Variants in ANKRD6 observed in about 807,000 individuals in gnomAD.
ANKRD6 encodes ankyrin repeat domain-containing protein 6.
Under a neutral mutation model 82.3 loss-of-function variants are expected in ANKRD6, and 56 were observed. The ratio of observed to expected loss-of-function variants is 0.68; its 90% CI spans 0.55 to 0.85. The LOEUF (loss-of-function observed/expected upper bound fraction) is 0.85, where lower values mean the gene tolerates loss of function less well. ANKRD6 is among the 40% of genes least tolerant of loss of function. The pLI is 0.00. For synonymous variants in ANKRD6, 347 were observed against 352.1 expected (o/e 0.99, Z 0.16); for missense variants, 852 against 907.6 (o/e 0.94, Z 0.79).
intron 1 of ANKRD6, among the ~76,000 whole-genome samples, chr6:89,485,087 G>C (rs1483981473): frequency 2.0e-5 from 3 of 152,156 alleles, no homozygotes; most frequent in African/African-American, 7.2e-5. Flanking sequence ...AAATGCCCCA[G>C]ACTGTCTCAC....
chr6:89,473,912 A>G (rs1775756822), intron 1 of ANKRD6, among the ~76,000 whole-genome samples: 2 of 152,114 alleles, frequency 1.3e-5, no homozygotes, highest in Admixed American at 6.5e-5. Flanking sequence ...CCCAGGAAGC[A>G]GAGGTGAGAA....
chr6:89,577,034 C>A (rs552404842), intron 2 of ANKRD6, among the ~76,000 whole-genome samples: 2 of 152,176 alleles, frequency 1.3e-5, no homozygotes, highest in East Asian at 3.9e-4. Context: ...GGACTACAGT[C>A]ATGAGCCACC....
At chr6:89,503,915 A>G in intron 1 of ANKRD6, among the ~76,000 whole-genome samples, 1 of 152,106 alleles carries the variant, frequency 6.6e-6, no homozygotes, top group East Asian at 1.9e-4. Context: ...CCAGAGCAGA[A>G]TGAGCCAAGG....
chr6:89,500,658 C>T (rs1733787123), intron 1 of ANKRD6, among the ~76,000 whole-genome samples: 2 of 152,084 alleles, frequency 1.3e-5, no homozygotes, highest in Admixed American at 6.6e-5. Context: ...CTCCCAGGTC[C>T]CTAATCTCCC....
At chr6:89,518,687 G>C (rs557011217) in intron 1 of ANKRD6, among the ~76,000 whole-genome samples, 2 of 152,196 alleles carry the variant, frequency 1.3e-5, no homozygotes, top group East Asian at 3.9e-4. Context: ...AGGCCAAATG[G>C]GACCAATGCT....
At chr6:89,466,407 A>C (rs1774850092) in intron 1 of ANKRD6, among the ~76,000 whole-genome samples, 1 of 152,202 alleles carries the variant, frequency 6.6e-6, no homozygotes, top group Non-Finnish European at 1.5e-5. Flanking sequence ...CATATTGCCA[A>C]ATTTCCTCCT....
At chr6:89,442,009 A>G (rs537188027) in intron 1 of ANKRD6, among the ~76,000 whole-genome samples, 2 of 146,572 alleles carry the variant, frequency 1.4e-5, no homozygotes, top group South Asian at 4.4e-4. Flanking sequence ...TTATTTTTTT[A>G]TTTTTTTGAG....
chr6:89,534,243 A>T (rs1201043767), intron 1 of ANKRD6, among the ~76,000 whole-genome samples: 1 of 152,216 alleles, frequency 6.6e-6, no homozygotes, highest in Non-Finnish European at 1.5e-5. Context: ...ACCCTAACAG[A>T]TTCTTGCTGA....
At chr6:89,523,969 C>G (rs1386889626) in intron 1 of ANKRD6, among the ~76,000 whole-genome samples, 1 of 152,040 alleles carries the variant, frequency 6.6e-6, no homozygotes, top group Non-Finnish European at 1.5e-5. Context: ...AAATTGAACT[C>G]ATATGCAATT....
intron 2 of ANKRD6, among the ~76,000 whole-genome samples, chr6:89,570,965 A>G (rs1442667878): frequency 1.3e-5 from 2 of 152,310 alleles, no homozygotes; most frequent in East Asian, 1.9e-4. Context: ...ACTGTTTTCC[A>G]TGGCTGTTGC....
chr6:89,444,752 GA>G (rs1771847152), intron 1 of ANKRD6, among the ~76,000 whole-genome samples: 1 of 152,190 alleles, frequency 6.6e-6, no homozygotes, highest in Admixed American at 6.5e-5. Context: ...CGGATCACCT[GA>G]GATCAGGAGT....
Position 89,499,658 on chromosome 6 carries a change from C to T in ANKRD6, c.-144+66283C>T, listed in dbSNP as rs544854121. Among the ~76,000 whole-genome samples the T allele has an allele frequency of 2.0e-5, 3 of 152,196 alleles. No individual in the cohort carries two copies. The East Asian group carries it at 5.8e-4, about 29-fold the overall frequency. Reference sequence around the variant, plus strand: ...GCCGTACCACAAATGTTCCTGTTCACAATACCAGTTCATAATGCATGGTAA... The same window carrying T: ...GCCGTACCACAAATGTTCCTGTTCATAATACCAGTTCATAATGCATGGTAA... On this transcript the variant is annotated intron_variant, in intron 1 of 15. Transcript: ENST00000339746.
intron 1 of ANKRD6, among the ~76,000 whole-genome samples, chr6:89,540,277 A>G (rs1271937402): frequency 6.6e-6 from 1 of 152,152 alleles, no homozygotes; most frequent in Non-Finnish European, 1.5e-5. Context: ...ACTTCTCTCC[A>G]CATCCTCGCC....
chr6:89,581,824 G>C (rs1792600830), intron 2 of ANKRD6, among the ~76,000 whole-genome samples: 1 of 152,154 alleles, frequency 6.6e-6, no homozygotes, highest in Non-Finnish European at 1.5e-5. Flanking sequence ...CCAGAGCAAG[G>C]GCAGGAGCCC....
intron 1 of ANKRD6, among the ~76,000 whole-genome samples, chr6:89,537,791 G>A (rs554159535): frequency 6.7e-6 from 1 of 149,386 alleles, no homozygotes; most frequent in Admixed American, 6.8e-5. Flanking sequence ...AGCTACTCAT[G>A]AGGCTGAGGC....
chr6:89,440,902 C>T (rs1433940679), intron 1 of ANKRD6, among the ~76,000 whole-genome samples: 1 of 152,086 alleles, frequency 6.6e-6, no homozygotes, highest in African/African-American at 2.4e-5. Flanking sequence ...TGCATGGTGT[C>T]TATAGCTGCT....
intron 2 of ANKRD6, among the ~76,000 whole-genome samples, chr6:89,567,300 A>G (rs1046316670): frequency 2.2e-4 from 33 of 152,176 alleles, no homozygotes; most frequent in Non-Finnish European, 4.6e-4. Flanking sequence ...AGCATTTGAC[A>G]GTCTTTAAAA....
chr6:89,460,338 A>G (rs567384980), intron 1 of ANKRD6, among the ~76,000 whole-genome samples: 24 of 152,246 alleles, frequency 1.6e-4, no homozygotes, highest in Admixed American at 1.4e-3. Flanking sequence ...GAGAATATAG[A>G]CAATATTTAT....
chr6:89,523,525 A>G (rs1782120652), intron 1 of ANKRD6, among the ~76,000 whole-genome samples: 1 of 152,104 alleles, frequency 6.6e-6, no homozygotes, highest in Admixed American at 6.5e-5. Flanking sequence ...TGTTTATCCT[A>G]TTGATAACTC....
Sources: allele counts gnomAD v4.1 joint callset (sites outside exome capture counted in the v4.1 genomes callset), GRCh38; gene constraint gnomAD v4.1.1; transcripts MANE v1.5; gene names NCBI Gene and HGNC (gene_info 2026-07-23, HGNC 2026-07-21).